Variants in SCIMP observed in about 807,000 individuals in gnomAD.
SCIMP encodes the protein SLP adaptor and CSK interacting membrane protein.
In SCIMP, 18 loss-of-function variants were observed where a neutral mutation model predicts 22.0. The ratio of observed to expected loss-of-function variants is 0.82; its 90% CI spans 0.56 to 1.21. The LOEUF is 1.21. SCIMP is among the 50% of genes most tolerant of loss of function. SCIMP has a pLI of 0.00. For missense variants in SCIMP, 155 were observed against 171.2 expected (o/e 0.91, Z 0.53); for synonymous variants, 53 against 62.2 (o/e 0.85, Z 0.70).
rs191014472 is a variant in SCIMP, at chr17:5,221,007, G to A, written c.209+280C>T. 2.1e-3 allele frequency: 1,061 copies of A among 513,002 alleles called. 7 individuals are homozygous for A. The highest frequency in any genetic ancestry group is 0.012 in the Middle Eastern group (26 of 2,112). The allele number at this position is 513,002 out of a possible 1,614,324, so 31.8% of individuals were successfully genotyped here. A position where few individuals can be genotyped will look rare whatever the true frequency, so the allele number is the denominator to read the frequency against. On this transcript the variant is annotated intron_variant, in intron 3 of 4. Transcript: ENST00000574081. ...CAGGAGGCGGAGGCTGCAGTGAGCC[G>A]AGATCGTGCCAATGCACTCCAGCCT...
rs2074570197 is a variant in SCIMP at position 5,217,036 on chromosome 17, T to C, written c.210-2038A>G. Among the ~76,000 whole-genome samples the C allele has an allele frequency of 2.0e-5, 3 of 152,102 alleles. No homozygotes were observed. In the South Asian group the frequency reaches 6.2e-4, roughly 31 times the overall value. On this transcript the variant is annotated intron_variant, in intron 3 of 4. Transcript: ENST00000574081. ...GAATAAACATTTTTAGGTTGTTAGG[T>C]TGAGTGCAGACGGGGACATGGGGGT...
intron 3 of SCIMP, among the ~76,000 whole-genome samples, chr17:5,219,308 G>C (rs910255243): frequency 2.0e-5 from 3 of 149,534 alleles, no homozygotes; most frequent in Non-Finnish European, 4.4e-5. Context: ...GACAGAGCGA[G>C]ACTCTGTCTC....
intron 1 of SCIMP, among the ~76,000 whole-genome samples, chr17:5,234,283 A>C (rs548370147): frequency 2.3e-4 from 35 of 152,238 alleles, no homozygotes; most frequent in Admixed American, 2.0e-3. Context: ...AAATAAAATA[A>C]AAATAAATAA....
intron 4 of SCIMP, among the ~76,000 whole-genome samples, chr17:5,211,876 C>CT (rs2074528296): frequency 6.6e-6 from 1 of 151,960 alleles, no homozygotes; most frequent in South Asian, 2.1e-4. Context: ...TGATGAAACT[C>CT]TGTCTCTACA....
chr17:5,224,530 T>A (rs146398121), intron 1 of SCIMP, among the ~76,000 whole-genome samples: 7,290 of 151,758 alleles, frequency 0.048, 237 homozygotes, highest in Non-Finnish European at 0.075. Context: ...TGGCGCGATC[T>A]TGGCTCACTG....
chr17:5,210,884 C>CA lies in SCIMP; in HGVS notation c.354dup (p.Val119CysfsTer8). 6.2e-7 allele frequency: 1 copy of CA among 1,614,122 alleles called. No individual in the cohort carries two copies. On this transcript the variant is annotated frameshift_variant, in exon 5 of 5. Coordinates refer to ENST00000574081, the MANE Select transcript of SCIMP (RefSeq NM_207103.3). LOFTEE classifies it high-confidence loss of function. ...GGCTCAATGTAGCTTGGGATGGAAA[C>CA]AGTCTTCTTATTTTTAACTTTATTT...
chr17:5,212,047 CAAAA>C (rs201695440), intron 4 of SCIMP, among the ~76,000 whole-genome samples: 3 of 145,568 alleles, frequency 2.1e-5, no homozygotes, highest in African/African-American at 7.6e-5. Context: ...GACTCTGTCT[CAAAA>C]AAAAAGAAAG....
At chr17:5,222,665 C>CT (rs994871083) in intron 2 of SCIMP, among the ~76,000 whole-genome samples, 3 of 151,068 alleles carry the variant, frequency 2.0e-5, no homozygotes, top group African/African-American at 4.9e-5. Flanking sequence ...CAAGACAGTT[C>CT]TTTTTTTTTC....
At chr17:5,230,663 G>C (rs1341317228) in intron 1 of SCIMP, among the ~76,000 whole-genome samples, 1 of 152,170 alleles carries the variant, frequency 6.6e-6, no homozygotes, top group Non-Finnish European at 1.5e-5. Flanking sequence ...GCTCACACTT[G>C]TAATCCCAGC....
rs1305991378 is a variant in SCIMP, at chr17:5,223,512, G to A, written c.22-56C>T. The A allele has an allele frequency of 3.8e-6, 6 of 1,576,518 alleles. No individual in the cohort carries two copies. The African/African-American group carries it at 5.4e-5, about 14-fold the overall frequency. ...ATGAATGAAAGATATCCTGGGGTTGGGTGGAGTGGGGCAGTTATCTACTGT... is the reference window on the plus strand; with the variant it reads ...ATGAATGAAAGATATCCTGGGGTTGAGTGGAGTGGGGCAGTTATCTACTGT... On this transcript the variant is annotated intron_variant, in intron 1 of 4. Coordinates refer to ENST00000574081, the MANE Select transcript of SCIMP (RefSeq NM_207103.3).
intron 1 of SCIMP, among the ~76,000 whole-genome samples, chr17:5,232,364 G>A (rs62072836): frequency 0.018 from 130 of 7,120 alleles, 1 homozygote; most frequent in Admixed American, 0.04. Flanking sequence ...ACAGTGCAGT[G>A]TAAACAGTGC....
intron 1 of SCIMP, among the ~76,000 whole-genome samples, chr17:5,227,347 C>G (rs964879260): frequency 6.8e-6 from 1 of 147,124 alleles, no homozygotes; most frequent in Non-Finnish European, 1.5e-5. Flanking sequence ...CCAGGTGTGG[C>G]GGCATGTGCC....
At chr17:5,228,359 A>AT (rs56128535) in intron 1 of SCIMP, among the ~76,000 whole-genome samples, 11,446 of 149,982 alleles carry the variant, frequency 0.076, 498 homozygotes, top group Middle Eastern at 0.14. Context: ...AAAAAAAAAA[A>AT]TGCATTGAGC....
At chr17:5,232,620 C>A (rs995821204) in intron 1 of SCIMP, among the ~76,000 whole-genome samples, 2 of 152,018 alleles carry the variant, frequency 1.3e-5, no homozygotes, top group East Asian at 1.9e-4. Context: ...ACATTTAGGC[C>A]GGTTGGCATG....
chr17:5,214,855 A>C lies in SCIMP; in HGVS notation c.283+70T>G, dbSNP rs894971698. 3.1e-4 allele frequency: 236 copies of C among 763,628 alleles called. 1 individual carries two copies. In the African/African-American group the frequency reaches 3.8e-3, roughly 12 times the overall value. 47.3% of individuals were successfully genotyped at this position (763,628 alleles called of 1,614,324 possible). A position where few individuals can be genotyped will look rare whatever the true frequency, so the allele number is the denominator to read the frequency against. ...ACTCCATCTAAAAAAAAAAAAAAAA[A>C]AAAAAAAGACACCTTGATAAACTCG... On this transcript the variant is annotated intron_variant, in intron 4 of 4. Transcript: ENST00000574081.
At position 5,234,828 on chromosome 17, in the gene SCIMP, A is replaced by T; in HGVS notation, c.-73T>A. On this transcript the variant is annotated 5_prime_UTR_variant, in exon 1 of 5. Transcript: ENST00000574081. ...GCACAGCTGGTGAGAGGCATTCCTC[A>T]CTCACAGGCCTTCACCCACTGCTAG... 1 of 1,568,800 alleles carries T rather than the reference A, an allele frequency of 6.4e-7. No individual in the cohort carries two copies. Among genetic ancestry groups the T allele is most frequent in the Non-Finnish European group, 8.6e-7 (1 of 1,156,520 alleles).
chr17:5,210,849 G>A lies in SCIMP; in HGVS notation c.390C>T (p.Asp130=), dbSNP rs2074521082. 6.2e-7 allele frequency: 1 copy of A among 1,613,088 alleles called. No individual in the cohort carries two copies. The highest frequency in any genetic ancestry group is 8.5e-7 in the Non-Finnish European group (1 of 1,179,864). The change falls in exon 5 of 5, where the codon GAC becomes GAT. Residue 130 remains aspartate, a synonymous_variant. Transcript: ENST00000574081. The part of the protein sequence containing the change: ...SIPSYIEPED[D]YDDVEIPANT... ...TTGCAGGGATTTCAACATCGTCATA[G>A]TCATCTTCAGGCTCAATGTAGCTTG... is the stretch of plus-strand genomic sequence containing the variant.
chr17:5,220,828 T>G, intron 3 of SCIMP: 1 of 245,866 alleles, frequency 4.1e-6, no homozygotes, highest in Admixed American at 5.2e-5. Context: ...GAAGCCAAGG[T>G]GGGTGGATCA....
At chr17:5,233,498 G>A (rs1327820958) in intron 1 of SCIMP, among the ~76,000 whole-genome samples, 5 of 152,114 alleles carry the variant, frequency 3.3e-5, no homozygotes, top group African/African-American at 7.2e-5. Flanking sequence ...TCAGCTTCCC[G>A]AGTAGCTGGG....
Sources: gnomAD v4.1 joint callset for allele counts (sites outside exome capture counted in the v4.1 genomes callset) on GRCh38, gnomAD v4.1.1 for gene constraint, MANE v1.5 for transcripts, NCBI Gene and HGNC (gene_info 2026-07-23, HGNC 2026-07-21) for gene names.